Variants in ATP11A observed in about 807,000 individuals in gnomAD.
The protein encoded by ATP11A is phospholipid-transporting ATPase IH.
A neutral mutation model predicts 154.4 loss-of-function variants in ATP11A; 81 were observed. That is an observed-to-expected ratio of 0.52 (90% confidence interval 0.44 to 0.63). The LOEUF is 0.63. Among genes scored for constraint, ATP11A ranks in the 30% least tolerant of loss-of-function variants. The probability of loss-of-function intolerance (pLI) is 0.00; values close to 1 mark genes in which losing one functional copy is unlikely to be tolerated. For missense variants in ATP11A, 1,316 were observed against 1,474.3 expected, an observed-to-expected ratio of 0.89 and a Z score of 1.76; for synonymous variants, 623 against 585.9, an observed-to-expected ratio of 1.06 and a Z score of -0.91.
In ATP11A at chr13:112,884,683, G is replaced by A. The variant is rs1479470102; in HGVS notation, c.*2817G>A. On this transcript the variant is annotated 3_prime_UTR_variant, in exon 30 of 30. Coordinates refer to ENST00000375645, the MANE Select transcript of ATP11A (RefSeq NM_015205.3). ...GAAAAATCTTATTTGTTGCTGCACA[G>A]GTTAATAAATTATCAATTTGTAATT... The A allele has an allele frequency of 1.3e-5, 2 of 152,306 alleles. No homozygotes were observed. The highest frequency in any genetic ancestry group is 4.8e-5 in the African/African-American group (2 of 41,434). 9.4% of individuals were successfully genotyped at this position (152,306 alleles called of 1,614,324 possible).
chr13:112,802,831 G>C (rs545739789), intron 2 of ATP11A, among the ~76,000 whole-genome samples: 1 of 152,170 alleles, frequency 6.6e-6, no homozygotes, highest in East Asian at 1.9e-4. Flanking sequence ...ATTAAAATAT[G>C]AGCCACTGAC....
chr13:112,715,176 C>T (rs549489219), intron 1 of ATP11A, among the ~76,000 whole-genome samples: 8 of 151,904 alleles, frequency 5.3e-5, no homozygotes, highest in Non-Finnish European at 7.4e-5. Flanking sequence ...TTGTTTCCTG[C>T]GGCAGCTTTT....
chr13:112,812,517 C>T (rs1218555986), intron 5 of ATP11A, among the ~76,000 whole-genome samples: 1 of 152,184 alleles, frequency 6.6e-6, no homozygotes, highest in Non-Finnish European at 1.5e-5. Context: ...CTCCAAGCAG[C>T]CCAGCCAGCC....
At chr13:112,852,788 G>T (rs1394490873) in intron 18 of ATP11A, among the ~76,000 whole-genome samples, 1 of 147,028 alleles carries the variant, frequency 6.8e-6, no homozygotes. Context: ...TGGTTGGCGG[G>T]GGGGGATCTC....
intron 28 of ATP11A, among the ~76,000 whole-genome samples, chr13:112,876,592 G>A (rs140817114): frequency 1.3e-5 from 2 of 152,302 alleles, no homozygotes; most frequent in African/African-American, 4.8e-5. Flanking sequence ...CACCTGTCAC[G>A]GTCCCTCAGG....
Position 112,723,407 on chromosome 13 carries a change from G to T in ATP11A, c.39+32952G>T, listed in dbSNP as rs529210347. ...CTGCTTCAGCCTCTTGAGTAGCTGG[G>T]ATTACAGGCACACACCACCACACCT... On this transcript the variant is annotated intron_variant, in intron 1 of 29. Transcript: ENST00000375645. Among the ~76,000 whole-genome samples the T allele has an allele frequency of 1.1e-3, 127 of 119,092 alleles. 1 individual carries two copies. Among genetic ancestry groups the T allele is most frequent in the Non-Finnish European group, 1.9e-3 (106 of 56,106 alleles). The allele number at this position is 119,092 out of a possible 152,430, so 78.1% of individuals were successfully genotyped here. A position where few individuals can be genotyped will look rare whatever the true frequency, so the allele number is the denominator to read the frequency against.
At chr13:112,713,001 A>G (rs1274992786) in intron 1 of ATP11A, among the ~76,000 whole-genome samples, 3 of 152,252 alleles carry the variant, frequency 2.0e-5, no homozygotes, top group Admixed American at 6.5e-5. Flanking sequence ...TATCTGGTTA[A>G]TGTGAGCAGA....
In ATP11A at chr13:112,754,039, C is replaced by T. The variant is rs748407913; in HGVS notation, c.40-31096C>T. Among the ~76,000 whole-genome samples, 3 of 152,304 alleles carry T rather than the reference C, an allele frequency of 2.0e-5. No individual in the cohort carries two copies. Among genetic ancestry groups the T allele is most frequent in the Admixed American group, 1.3e-4 (2 of 15,306 alleles). On this transcript the variant is annotated intron_variant, in intron 1 of 29. Transcript: ENST00000375645. This position sits in a 1 kb window ranked among gnomAD's most constrained non-coding sequence, Gnocchi z 5.3. The stretch of plus-strand genomic sequence containing the variant: ...GACCTTGACCAGGCAGCATCCAGGG[C>T]GTCGCTGTCTCACCGTGGTCCCCAG...
chr13:112,716,052 G>T (rs958967606), intron 1 of ATP11A, among the ~76,000 whole-genome samples: 1 of 151,948 alleles, frequency 6.6e-6, no homozygotes, highest in Non-Finnish European at 1.5e-5. Context: ...GCTCCTGCCT[G>T]GACTTTGAGA....
intron 1 of ATP11A, among the ~76,000 whole-genome samples, chr13:112,702,512 C>G (rs928810068): frequency 1.3e-5 from 2 of 152,208 alleles, no homozygotes; most frequent in African/African-American, 4.8e-5. Context: ...GGCCAGGCCT[C>G]GGGCCCGATG....
At chr13:112,791,451 G>T (rs963727418) in intron 2 of ATP11A, among the ~76,000 whole-genome samples, 28 of 152,228 alleles carry the variant, frequency 1.8e-4, no homozygotes, top group Admixed American at 1.7e-3. Context: ...GGGTCACAGG[G>T]AAGAAACCAG....
intron 29 of ATP11A, chr13:112,880,375 C>T: frequency 2.4e-6 from 1 of 409,872 alleles, no homozygotes; most frequent in South Asian, 3.4e-5. Context: ...AGTGTTTTCC[C>T]AAGACGCCCC....
intron 2 of ATP11A, among the ~76,000 whole-genome samples, chr13:112,803,985 TCATTCC>T (rs1566504634): frequency 2.7e-4 from 17 of 62,562 alleles, no homozygotes; most frequent in East Asian, 1.4e-3. Context: ...CTCATTCCCC[TCATTCC>T]CCTCCTTCCC....
At chr13:112,767,855 A>G (rs1037790082) in intron 1 of ATP11A, among the ~76,000 whole-genome samples, 4 of 152,062 alleles carry the variant, frequency 2.6e-5, no homozygotes, top group Non-Finnish European at 5.9e-5. Context: ...GCTCGGTGGC[A>G]GTGCCTGCGT....
At chr13:112,709,689 G>C (rs993171056) in intron 1 of ATP11A, among the ~76,000 whole-genome samples, 1 of 150,260 alleles carries the variant, frequency 6.7e-6, no homozygotes, top group African/African-American at 2.5e-5. Flanking sequence ...GAGTTGTCTC[G>C]CCTTTCTGAA....
intron 8 of ATP11A, among the ~76,000 whole-genome samples, 158 bp from the exon 9 acceptor site, chr13:112,823,187 A>G (rs1022670770): frequency 3.3e-5 from 5 of 152,212 alleles, no homozygotes; most frequent in Non-Finnish European, 5.9e-5. Flanking sequence ...ACCTGGGCTG[A>G]CTTAATCATC....
intron 2 of ATP11A, among the ~76,000 whole-genome samples, chr13:112,788,156 G>A (rs1248813348): frequency 1.4e-5 from 2 of 148,102 alleles, no homozygotes; most frequent in Non-Finnish European, 3.0e-5. Context: ...AGACCCCTGT[G>A]GAGACCTACT....
intron 1 of ATP11A, among the ~76,000 whole-genome samples, chr13:112,724,727 C>CTAATTA (rs1889624306): frequency 1.3e-5 from 2 of 152,068 alleles, no homozygotes; most frequent in African/African-American, 4.8e-5. Flanking sequence ...CATCTTGAGT[C>CTAATTA]TCCTCATTAG....
Position 112,779,589 on chromosome 13 carries a change from CTG to C in ATP11A, c.40-5545_40-5544del, listed in dbSNP as rs772468147. On this transcript the variant is annotated intron_variant, in intron 1 of 29. Transcript: ENST00000375645. ...AAGTTTCTAGAATTTACACAGAAGA[CTG>C]AAACAGAGAAGCACTTCTGACATCT... 2.0e-4 allele frequency among the ~76,000 whole-genome samples: 31 copies of C among 152,322 alleles called. No individual in the cohort carries two copies. The East Asian group carries it at 5.2e-3, about 26-fold the overall frequency.
Sources: gnomAD v4.1 joint callset for allele counts (sites outside exome capture counted in the v4.1 genomes callset) on GRCh38, gnomAD v4.1.1 for gene constraint, Gnocchi (gnomAD v3.1) non-coding constraint, MANE v1.5 for transcripts, NCBI Gene and HGNC (gene_info 2026-07-23, HGNC 2026-07-21) for gene names.